Variants in ASIC4 observed in about 807,000 individuals in gnomAD.
ASIC4 encodes the protein acid-sensing ion channel 4.
In ASIC4, 28 loss-of-function variants were observed where a neutral mutation model predicts 53.4. The observed-to-expected ratio is 0.52, with a 90% CI of 0.39 to 0.72. ASIC4 has a LOEUF of 0.72. ASIC4 is among the 30% of genes least tolerant of loss of function. The pLI is 0.00. For missense variants in ASIC4, 649 were observed against 729.7 expected (o/e 0.89, Z 1.27); for synonymous variants, 289 against 301.4 (o/e 0.96, Z 0.43).
intron 4 of ASIC4, 92 bp from the exon 5 acceptor site, chr2:219,532,791 T>C (rs1695064754): frequency 8.4e-7 from 1 of 1,187,762 alleles, no homozygotes; most frequent in African/African-American, 1.5e-5. Flanking sequence ...TGTGTGCATA[T>C]GTGTGTGCAT....
chr2:219,509,111 A>C, the ASIC4 span, among the ~76,000 whole-genome samples: 3 of 151,718 alleles, frequency 2.0e-5, no homozygotes, highest in Non-Finnish European at 4.4e-5. The surrounding 1 kb of genome is among the most constrained non-coding windows in gnomAD (Gnocchi z 5.2). Flanking sequence ...CAGAGCCCTC[A>C]TCTCCCTCCA....
At chr2:219,522,626 C>T (rs1426105923) in intron 1 of ASIC4, among the ~76,000 whole-genome samples, 1 of 151,734 alleles carries the variant, frequency 6.6e-6, no homozygotes, top group Non-Finnish European at 1.5e-5. Flanking sequence ...CACCCGAGCA[C>T]CCAAGTCCCT....
rs541640182 is a variant in ASIC4, at chr2:219,537,307, G to A, written c.1387G>A (p.Asp463Asn). The A allele has an allele frequency of 2.4e-5, 38 of 1,613,028 alleles. No individual in the cohort carries two copies. Among genetic ancestry groups the A allele is most frequent in the East Asian group, 2.0e-4 (9 of 44,850 alleles). ...CATCCTCACGTTGCTGGAGATCCTC[G>A]ACTACATCTATGAGGCAAGGGCCCT... ...ASILTLLEIL[D>N]YIYEVSWDRL... Residue 463 changes from aspartate (D) to asparagine (N), a missense_variant, in exon 8 of 10, where the codon GAC (aspartate) becomes AAC (asparagine). Asp to Asn is a conservative substitution (Grantham distance 23). Coordinates refer to ENST00000358078, the MANE Select transcript of ASIC4 (RefSeq NM_018674.6). The surrounding 1 kb of genome is among the most constrained non-coding windows in gnomAD (Gnocchi z 4.9).
upstream of ASIC4, among the ~76,000 whole-genome samples, chr2:219,509,463 A>T (rs529524110): frequency 5.7e-4 from 87 of 152,222 alleles, no homozygotes; most frequent in Admixed American, 1.8e-3. The surrounding 1 kb of genome is among the most constrained non-coding windows in gnomAD (Gnocchi z 5.2). Context: ...GTGTGCAGAG[A>T]CGGGAGAACT....
At chr2:219,521,479 G>A (rs1323049820) in intron 1 of ASIC4, among the ~76,000 whole-genome samples, 14 of 152,200 alleles carry the variant, frequency 9.2e-5, no homozygotes, top group African/African-American at 7.2e-5. Context: ...TGTGGCTGGC[G>A]GCAGGGCTGC....
chr2:219,530,478 C>T (rs1048027055), intron 1 of ASIC4, among the ~76,000 whole-genome samples: 5 of 152,388 alleles, frequency 3.3e-5, no homozygotes, highest in Middle Eastern at 6.8e-3. Flanking sequence ...CAGACAGGCT[C>T]CTGCTCCTGT....
At position 219,537,955 on chromosome 2, in the gene ASIC4, G is replaced by C. The variant is rs758791704; in HGVS notation, c.1529G>C (p.Arg510Pro). ...KEQSPCPSRG[R>P]VEGGGVSSLL... ...CAGAGTCCCTGCCCGAGCCGGGGCC[G>C]AGTGGAGGGTGGGGGGGTCAGCAGT... Residue 510 changes from arginine (R) to proline (P), a missense_variant, in exon 10 of 10, where the codon CGA (arginine) becomes CCA (proline). By Grantham distance (103) the Arg-to-Pro change is moderately radical. Transcript: ENST00000358078. This position sits in a 1 kb window ranked among gnomAD's most constrained non-coding sequence, Gnocchi z 4.9. 33 of 1,611,224 alleles carry C rather than the reference G, an allele frequency of 2.0e-5. No individual in the cohort carries two copies. The South Asian group carries it at 3.3e-4, about 16-fold the overall frequency.
At chr2:219,532,988 T>G in intron 5 of ASIC4, 49 bp downstream of exon 5, 1 of 1,549,294 alleles carries the variant, frequency 6.5e-7, no homozygotes, top group Non-Finnish European at 8.9e-7. Context: ...TCTTCATGTC[T>G]CTGTCCACTC....
intron 4 of ASIC4, 114 bp downstream of exon 4, chr2:219,532,591 GTGTC>G (rs1187192362): frequency 2.4e-4 from 328 of 1,376,430 alleles, no homozygotes; most frequent in Non-Finnish European, 3.1e-4. Flanking sequence ...ACATGTGTAT[GTGTC>G]TGTACCCGTG....
chr2:219,513,656 C>T (rs1015322740), upstream of ASIC4, among the ~76,000 whole-genome samples: 3 of 152,200 alleles, frequency 2.0e-5, no homozygotes, highest in African/African-American at 7.2e-5. Flanking sequence ...ACCCAACAGC[C>T]CTCCCCCGAA....
intron 6 of ASIC4, 66 bp downstream of exon 6, chr2:219,535,390 T>C: frequency 6.9e-7 from 1 of 1,444,970 alleles, no homozygotes; most frequent in Non-Finnish European, 9.3e-7. Context: ...GGGGGGTGGC[T>C]GTGTGACTCT....
intron 1 of ASIC4, among the ~76,000 whole-genome samples, chr2:219,525,323 G>A (rs1253603009): frequency 6.6e-6 from 1 of 152,178 alleles, no homozygotes; most frequent in Non-Finnish European, 1.5e-5. Context: ...AAATAAGCAG[G>A]GATTTCTGTC....
intron 1 of ASIC4, 47 bp from the exon 2 acceptor site, chr2:219,531,711 G>C (rs1490246154): frequency 6.5e-7 from 1 of 1,537,428 alleles, no homozygotes; most frequent in Non-Finnish European, 8.8e-7. Context: ...GAGTTGCCTT[G>C]GCCACTCCTT....
intron 1 of ASIC4, among the ~76,000 whole-genome samples, chr2:219,519,894 TG>T (rs1694859055): frequency 7.2e-6 from 1 of 139,424 alleles, no homozygotes; most frequent in Non-Finnish European, 1.6e-5. Context: ...GTCTGGGGGC[TG>T]GGGGCTGGGG....
intron 5 of ASIC4, chr2:219,533,427 G>A: frequency 5.6e-6 from 1 of 177,478 alleles, no homozygotes; most frequent in Admixed American, 5.6e-5. Context: ...GGGGGCGACA[G>A]CCCTGCCCTT....
intron 1 of ASIC4, among the ~76,000 whole-genome samples, chr2:219,531,356 A>C (rs1274766469): frequency 1.3e-5 from 2 of 152,046 alleles, no homozygotes; most frequent in African/African-American, 2.4e-5. Context: ...ACAGAGCAAG[A>C]CCATATCTCA....
chr2:219,537,186 G>T lies in ASIC4; in HGVS notation c.1321+29G>T. 1 of 1,612,480 alleles carries T rather than the reference G, an allele frequency of 6.2e-7. No individual in the cohort carries two copies. The highest frequency in any genetic ancestry group is 8.5e-7 in the Non-Finnish European group (1 of 1,178,634). On this transcript the variant is annotated intron_variant, in intron 7 of 9. Coordinates refer to ENST00000358078, the MANE Select transcript of ASIC4 (RefSeq NM_018674.6). The surrounding 1 kb of genome is among the most constrained non-coding windows in gnomAD (Gnocchi z 4.9). ...AGACTGGTGTCCCTGCCCCCAGCTT[G>T]TGTGGGGGTGGATCGGCCCGGCCGC...
At chr2:219,514,480 T>C (rs80024922), upstream of ASIC4, 62 of 1,550,314 alleles carry the variant, frequency 4.0e-5, no homozygotes, top group African/African-American at 8.4e-4. Flanking sequence ...AAGGAGACGA[T>C]CGAGGAGAGA....
chr2:219,532,226 G>T, intron 3 of ASIC4, 89 bp from the exon 4 acceptor site: 1 of 1,598,068 alleles, frequency 6.3e-7, no homozygotes, highest in Non-Finnish European at 8.6e-7. Flanking sequence ...CTCAGAGCCT[G>T]CCAGCTGTGT....
Sources: allele counts gnomAD v4.1 joint callset (sites outside exome capture counted in the v4.1 genomes callset), GRCh38; gene constraint gnomAD v4.1.1; non-coding constraint Gnocchi (gnomAD v3.1); transcripts MANE v1.5; gene names NCBI Gene and HGNC (gene_info 2026-07-23, HGNC 2026-07-21).